Variants in LPP observed in about 807,000 individuals in gnomAD.
The protein encoded by LPP is lipoma-preferred partner.
A neutral mutation model predicts 60.4 loss-of-function variants in LPP; 38 were observed. The ratio of observed to expected loss-of-function variants is 0.63; its 90% CI spans 0.49 to 0.83. LPP has a LOEUF of 0.83. Among genes scored for constraint, LPP ranks in the 40% least tolerant of loss-of-function variants. The pLI is 0.00. For missense variants in LPP, 902 were observed against 783.6 expected (o/e 1.15, Z -1.80); for synonymous variants, 328 against 290.8 (o/e 1.13, Z -1.30).
chr3:188,191,802 T>C (rs1200761080), intron 1 of LPP, among the ~76,000 whole-genome samples: 1 of 152,202 alleles, frequency 6.6e-6, no homozygotes, highest in South Asian at 2.1e-4. Context: ...TTTCCAGCAG[T>C]TAATATCTGT....
At chr3:188,842,443 GT>G (rs1760276496) in intron 9 of LPP, among the ~76,000 whole-genome samples, 2 of 152,126 alleles carry the variant, frequency 1.3e-5, no homozygotes, top group African/African-American at 2.4e-5. Flanking sequence ...CAAATGGATA[GT>G]TTGTAAATAT....
intron 5 of LPP, among the ~76,000 whole-genome samples, chr3:188,520,604 C>T (rs1464016009): frequency 6.6e-6 from 1 of 152,194 alleles, no homozygotes; most frequent in African/African-American, 2.4e-5. Context: ...CTCTGCTTAA[C>T]TCCTTCTAGT....
chr3:188,680,032 A>G (rs1859125286), intron 7 of LPP, among the ~76,000 whole-genome samples: 1 of 152,194 alleles, frequency 6.6e-6, no homozygotes, highest in South Asian at 2.1e-4. Context: ...GGTGAATAGG[A>G]GTCAACAAAC....
At chr3:188,763,084 C>T (rs1181062089) in intron 9 of LPP, among the ~76,000 whole-genome samples, 1 of 152,120 alleles carries the variant, frequency 6.6e-6, no homozygotes, top group Non-Finnish European at 1.5e-5. Flanking sequence ...TAAGGAGAAT[C>T]CTAGAACTAT....
chr3:188,575,653 A>G (rs1834449366), intron 6 of LPP, among the ~76,000 whole-genome samples: 1 of 152,126 alleles, frequency 6.6e-6, no homozygotes, highest in South Asian at 2.1e-4. Context: ...TCTTTGTGCT[A>G]CTAGGTAGAT....
At position 188,883,283 on chromosome 3, in the gene LPP, C is replaced by A; in HGVS notation, c.*8804C>A. 4.7e-6 allele frequency: 1 copy of A among 213,800 alleles called. No individual in the cohort carries two copies. Among genetic ancestry groups the A allele is most frequent in the Non-Finnish European group, 9.5e-6 (1 of 105,712 alleles). The allele number at this position is 213,800 out of a possible 1,614,324, so 13.2% of individuals were successfully genotyped here. Reference sequence around the variant, plus strand: ...TCTGAAGGATGTTCTGAGGGCCAGACATTAGAATTTGTGAGTTTTTTTGTT... The same window carrying A: ...TCTGAAGGATGTTCTGAGGGCCAGAAATTAGAATTTGTGAGTTTTTTTGTT... On this transcript the variant is annotated 3_prime_UTR_variant, in exon 12 of 12. Coordinates refer to ENST00000617246, the MANE Select transcript of LPP (RefSeq NM_001375462.1).
intron 5 of LPP, among the ~76,000 whole-genome samples, chr3:188,515,449 A>G (rs1452220613): frequency 6.6e-6 from 1 of 152,160 alleles, no homozygotes; most frequent in Non-Finnish European, 1.5e-5. Context: ...TCTTTTCTTT[A>G]TAAATTACCC....
intron 6 of LPP, among the ~76,000 whole-genome samples, chr3:188,542,983 A>G (rs1296548692): frequency 6.6e-6 from 1 of 152,196 alleles, no homozygotes; most frequent in African/African-American, 2.4e-5. Flanking sequence ...ATCCCCATTT[A>G]TCTATCTCTA....
intron 7 of LPP, among the ~76,000 whole-genome samples, chr3:188,678,272 CA>C (rs1858579578): frequency 6.6e-6 from 1 of 152,226 alleles, no homozygotes; most frequent in South Asian, 2.1e-4. Flanking sequence ...GTTAGCATAA[CA>C]AACCAAAGTC....
intron 2 of LPP, among the ~76,000 whole-genome samples, chr3:188,319,876 G>T (rs1756430459): frequency 1.3e-5 from 2 of 151,946 alleles, no homozygotes; most frequent in African/African-American, 4.8e-5. Flanking sequence ...GGATGCTGCT[G>T]TGCATTTAGT....
intron 2 of LPP, among the ~76,000 whole-genome samples, chr3:188,258,138 A>G (rs6764035): frequency 0.058 from 8,877 of 152,286 alleles, 483 homozygotes; most frequent in African/African-American, 0.15. Flanking sequence ...GGACTCCCCA[A>G]CCAGGGAAAG....
intron 4 of LPP, among the ~76,000 whole-genome samples, chr3:188,424,028 T>C (rs1788613357): frequency 6.6e-6 from 1 of 152,088 alleles, no homozygotes; most frequent in African/African-American, 2.4e-5. Context: ...AAAGTCTTTG[T>C]CCATTCCTAT....
At chr3:188,684,991 A>G (rs1462657231) in intron 7 of LPP, among the ~76,000 whole-genome samples, 3 of 152,240 alleles carry the variant, frequency 2.0e-5, no homozygotes, top group Non-Finnish European at 2.9e-5. Context: ...CCAAATACTT[A>G]TATGTCAAGC....
At chr3:188,493,823 G>A (rs1304499206) in intron 5 of LPP, among the ~76,000 whole-genome samples, 3 of 151,746 alleles carry the variant, frequency 2.0e-5, no homozygotes, top group Non-Finnish European at 4.4e-5. Context: ...CCTACTATAT[G>A]GAATTGGATT....
chr3:188,601,696 A>T (rs1841201644), intron 6 of LPP, among the ~76,000 whole-genome samples: 2 of 152,174 alleles, frequency 1.3e-5, no homozygotes, highest in Non-Finnish European at 2.9e-5. Context: ...AATAACTTGC[A>T]TTTAAAAAGC....
rs1256331857 is a variant in LPP at position 188,352,140 on chromosome 3, G to A, written c.-10+10421G>A. The stretch of plus-strand genomic sequence containing the variant: ...GGGTGGCCGCAGGTCTTAAGGCTCT[G>A]TGATGGCAGAGTCTTCTGTATTGGA... On this transcript the variant is annotated intron_variant, in intron 3 of 11. Coordinates refer to ENST00000617246, the MANE Select transcript of LPP (RefSeq NM_001375462.1). This position sits in a 1 kb window ranked among gnomAD's most constrained non-coding sequence, Gnocchi z 4.4. Among the ~76,000 whole-genome samples the A allele has an allele frequency of 6.6e-6, 1 of 152,184 alleles. No homozygotes were observed. The highest frequency in any genetic ancestry group is 1.5e-5 in the Non-Finnish European group (1 of 68,040).
chr3:188,521,232 C>T (rs1307411058), intron 5 of LPP, among the ~76,000 whole-genome samples: 1 of 152,116 alleles, frequency 6.6e-6, no homozygotes, highest in East Asian at 1.9e-4. Flanking sequence ...AATCACACAG[C>T]ATTAGACTGG....
rs1296414630 is a variant in LPP at position 188,250,780 on chromosome 3, T to TTC, written c.-67+25255_-67+25256dup. Among the ~76,000 whole-genome samples, 397 of 93,804 alleles carry TTC rather than the reference T, an allele frequency of 4.2e-3. 10 individuals carry two copies. The highest frequency in any genetic ancestry group is 0.015 in the African/African-American group (350 of 22,810). 61.5% of individuals were successfully genotyped at this position (93,804 alleles called of 152,430 possible). Reference sequence around the variant, plus strand: ...TTTCTTTCTTTCTTTCTTTCTTTCTTTCTTTCTGTCTTTCTCTTTCTTTCT... The same window carrying TTC: ...TTTCTTTCTTTCTTTCTTTCTTTCTTTCTCTTTCTGTCTTTCTCTTTCTTTCT... On this transcript the variant is annotated intron_variant, in intron 2 of 11. Transcript: ENST00000617246.
At chr3:188,418,113 A>C (rs2148999992) in intron 4 of LPP, among the ~76,000 whole-genome samples, 2 of 152,344 alleles carry the variant, frequency 1.3e-5, no homozygotes, top group South Asian at 4.1e-4. Flanking sequence ...AATATCCTGC[A>C]ACGTTATTAT....
Sources: gnomAD v4.1 joint callset for allele counts (sites outside exome capture counted in the v4.1 genomes callset) on GRCh38, gnomAD v4.1.1 for gene constraint, Gnocchi (gnomAD v3.1) non-coding constraint, MANE v1.5 for transcripts, NCBI Gene and HGNC (gene_info 2026-07-23, HGNC 2026-07-21) for gene names.